FAS: variants seen among roughly 807,000 people sequenced by gnomAD.
FAS encodes the protein tumor necrosis factor receptor superfamily member 6.
In FAS, 5 loss-of-function variants were observed where a neutral mutation model predicts 33.2. The observed-to-expected ratio is 0.15, with a 90% CI of 0.08 to 0.32. FAS has a LOEUF of 0.32. Among genes scored for constraint, FAS ranks in the 10% least tolerant of loss-of-function variants. FAS has a pLI of 1.00. For missense variants in FAS, 339 were observed against 386.0 expected (o/e 0.88, Z 1.02); for synonymous variants, 131 against 130.7 (o/e 1.00, Z -0.01).
intron 1 of FAS, among the ~76,000 whole-genome samples, chr10:89,000,380 T>C (rs1324374723): frequency 6.6e-6 from 1 of 152,244 alleles, no homozygotes; most frequent in Non-Finnish European, 1.5e-5. Context: ...ACACAGTTCG[T>C]TATGATAAAT....
upstream of FAS, chr10:88,989,412 A>G (rs199629461): frequency 2.0e-6 from 1 of 501,374 alleles, no homozygotes; most frequent in Non-Finnish European, 3.9e-6. Flanking sequence ...TGCAGAGATA[A>G]TACAGAGAAT....
chr10:88,996,011 A>G (rs534926491), intron 1 of FAS, among the ~76,000 whole-genome samples: 1 of 152,354 alleles, frequency 6.6e-6, no homozygotes, highest in East Asian at 1.9e-4. Context: ...TGACAATTTG[A>G]CATTGGATTC....
intron 1 of FAS, among the ~76,000 whole-genome samples, chr10:88,969,722 C>T (rs1937476535): frequency 6.6e-6 from 1 of 152,142 alleles, no homozygotes; most frequent in Admixed American, 6.5e-5. Context: ...TCTATCTTTC[C>T]TTCATAGTAC....
chr10:88,985,072 G>A (rs1203795051), upstream of FAS, among the ~76,000 whole-genome samples: 1 of 152,110 alleles, frequency 6.6e-6, no homozygotes, highest in African/African-American at 2.4e-5. Context: ...GGGGGCCATT[G>A]GCAAATTGCT....
At chr10:89,007,962 G>A (rs1848328630) in intron 3 of FAS, 125 bp downstream of exon 3, 3 of 1,447,238 alleles carry the variant, frequency 2.1e-6, no homozygotes, top group Non-Finnish European at 2.9e-6. Context: ...GGGAAGGACA[G>A]GTGGCTAGGG....
rs1848298487 is a variant in FAS, at chr10:89,007,559, CA to C, written c.197-140del. 1.8e-5 allele frequency: 20 copies of C among 1,105,806 alleles called. No homozygotes were observed. The South Asian group carries it at 2.5e-4, about 14-fold the overall frequency. 68.5% of individuals were successfully genotyped at this position (1,105,806 alleles called of 1,614,324 possible). On this transcript the variant is annotated intron_variant, in intron 2 of 8. Coordinates refer to ENST00000652046, the MANE Select transcript of FAS (RefSeq NM_000043.6). ...TGACTTTTAAAATAATCTTCTCCCC[CA>C]TTGTATTTATATCTCATTAGCCTAC... is the stretch of plus-strand genomic sequence containing the variant.
intron 2 of FAS, among the ~76,000 whole-genome samples, chr10:88,975,564 T>C (rs1846543731): frequency 6.6e-6 from 1 of 151,868 alleles, no homozygotes; most frequent in Non-Finnish European, 1.5e-5. Context: ...TATCAGCAAA[T>C]AAATGTGTGG....
intron 6 of FAS, 93 bp downstream of exon 6, chr10:89,010,908 C>A: frequency 7.1e-7 from 1 of 1,416,974 alleles, no homozygotes; most frequent in Non-Finnish European, 1.0e-6. Flanking sequence ...AAAGCTACCA[C>A]TTTGGTAGAT....
In FAS at chr10:89,013,064, G is replaced by A. The variant is rs546878260; in HGVS notation, c.652-279G>A. 5.9e-5 allele frequency among the ~76,000 whole-genome samples: 9 copies of A among 152,134 alleles called. No homozygotes were observed. In the East Asian group the frequency reaches 9.7e-4, roughly 16 times the overall value. On this transcript the variant is annotated intron_variant, in intron 7 of 8. Coordinates refer to ENST00000652046, the MANE Select transcript of FAS (RefSeq NM_000043.6). ...ATTATTTATTTTAATAAGTCTATATGAAAAATAACCTCAACCTATTTTATG... is the reference window on the plus strand; with the variant it reads ...ATTATTTATTTTAATAAGTCTATATAAAAAATAACCTCAACCTATTTTATG...
intron 2 of FAS, among the ~76,000 whole-genome samples, chr10:89,007,146 G>A (rs928071656): frequency 6.6e-6 from 1 of 152,144 alleles, no homozygotes; most frequent in Admixed American, 6.5e-5. Context: ...ATGAAATTTA[G>A]GCTTGGAGAA....
chr10:89,007,613 T>G, intron 2 of FAS, 87 bp from the exon 3 acceptor site: 3 of 1,505,832 alleles, frequency 2.0e-6, no homozygotes, highest in African/African-American at 1.4e-5. Context: ...TTTAGAAGAG[T>G]TTTATTGTCT....
chr10:88,975,253 G>T (rs886197665), intron 2 of FAS: 2 of 152,086 alleles, frequency 1.3e-5, no homozygotes, highest in Non-Finnish European at 2.9e-5. Context: ...GTGAGGAAAA[G>T]ATTGCTAAAT....
intron 1 of FAS, among the ~76,000 whole-genome samples, chr10:88,973,013 A>G (rs1846484262): frequency 6.6e-6 from 1 of 152,250 alleles, no homozygotes; most frequent in Admixed American, 6.5e-5. Context: ...CTAAAGCAAA[A>G]TTGAAACCAT....
Position 89,010,894 on chromosome 10 carries a change from AT to A in FAS, c.568+80del, listed in dbSNP as rs1355448119. The A allele has an allele frequency of 2.0e-6, 3 of 1,510,852 alleles. No homozygotes were observed. In the African/African-American group the frequency reaches 4.1e-5, roughly 21 times the overall value. The allele number at this position is 1,510,852 out of a possible 1,614,324, so 93.6% of individuals were successfully genotyped here. On this transcript the variant is annotated intron_variant, in intron 6 of 8. Transcript: ENST00000652046. The stretch of plus-strand genomic sequence containing the variant: ...ACAAAGATTTGCCTCATTCTTACCT[AT>A]AAAAAGCTACCACTTTGGTAGATTT...
chr10:88,973,307 G>A, exon 2 of FAS: 1 of 1,597,916 alleles, frequency 6.3e-7, no homozygotes, highest in East Asian at 2.2e-5. Context: ...CATCTGAACA[G>A]CTCTGAGAGA....
chr10:89,007,219 A>G (rs548983361), intron 2 of FAS, among the ~76,000 whole-genome samples: 3 of 152,216 alleles, frequency 2.0e-5, no homozygotes, highest in East Asian at 1.9e-4. Flanking sequence ...TAAAACTTCA[A>G]ATGTTCTTTT....
exon 2 of FAS, chr10:88,973,320 C>A: frequency 6.4e-7 from 1 of 1,569,730 alleles, no homozygotes; most frequent in Non-Finnish European, 8.6e-7. Context: ...CTGAGAGAGA[C>A]AAGAAGTGGA....
intron 1 of FAS, chr10:88,992,654 G>T (rs922542189): frequency 2.0e-5 from 3 of 152,002 alleles, no homozygotes; most frequent in Non-Finnish European, 2.9e-5. Context: ...GGAAATTAAG[G>T]CTTATTAAAT....
rs2133383960 is a variant in FAS at position 88,990,854 on chromosome 10, C to T, written c.-23C>T. ...GTACGGAGTTGGGGAAGCTCTTTCACTTCGGAGGATTGCTCAACAACCATG... is the reference window on the plus strand; with the variant it reads ...GTACGGAGTTGGGGAAGCTCTTTCATTTCGGAGGATTGCTCAACAACCATG... On this transcript the variant is annotated 5_prime_UTR_variant, in exon 1 of 9. Transcript: ENST00000652046. This position sits in a 1 kb window ranked among gnomAD's most constrained non-coding sequence, Gnocchi z 4.9. 1 of 1,614,230 alleles carries T rather than the reference C, an allele frequency of 6.2e-7. No individual in the cohort carries two copies. Among genetic ancestry groups the T allele is most frequent in the Non-Finnish European group, 8.5e-7 (1 of 1,180,042 alleles).
Sources: allele counts gnomAD v4.1 joint callset (sites outside exome capture counted in the v4.1 genomes callset), GRCh38; gene constraint gnomAD v4.1.1; non-coding constraint Gnocchi (gnomAD v3.1); transcripts MANE v1.5; gene names NCBI Gene and HGNC (gene_info 2026-07-23, HGNC 2026-07-21).